The following KCNK2 variants were observed in gnomAD, a reference collection of about 807,000 sequenced individuals.
The protein encoded by KCNK2 is potassium two pore domain channel subfamily K member 2, also known as potassium channel subfamily K member 2.
Under a neutral mutation model 40.5 loss-of-function variants are expected in KCNK2, and 21 were observed. That is an observed-to-expected ratio of 0.52 (90% confidence interval 0.37 to 0.75). The LOEUF (loss-of-function observed/expected upper bound fraction) is 0.75, where lower values mean the gene tolerates loss of function less well. Ranked by LOEUF, KCNK2 falls within the 30% of genes least tolerant of loss-of-function variation. The pLI, the probability that KCNK2 is intolerant of heterozygous loss-of-function variation, is 0.00. For missense variants in KCNK2, 399 were observed against 531.6 expected, an observed-to-expected ratio of 0.75 and a Z score of 2.45; for synonymous variants, 191 against 202.2, an observed-to-expected ratio of 0.94 and a Z score of 0.47.
chr1:215,187,928 G>A (rs1389347340), intron 5 of KCNK2, among the ~76,000 whole-genome samples: 3 of 151,778 alleles, frequency 2.0e-5, no homozygotes, highest in East Asian at 3.9e-4. Flanking sequence ...TTTGTAAAGG[G>A]TAATGTGAAA....
chr1:215,211,149 A>G (rs992064252), intron 6 of KCNK2, among the ~76,000 whole-genome samples: 7 of 152,042 alleles, frequency 4.6e-5, no homozygotes, highest in African/African-American at 1.7e-4. Context: ...AATGTCTGTA[A>G]AGCAGCATAA....
At chr1:215,187,788 A>G (rs1257875907) in intron 5 of KCNK2, among the ~76,000 whole-genome samples, 2 of 151,430 alleles carry the variant, frequency 1.3e-5, no homozygotes, top group African/African-American at 2.4e-5. Context: ...GTTGCAGTGA[A>G]CTATGATTGC....
intron 6 of KCNK2, among the ~76,000 whole-genome samples, chr1:215,216,266 T>C (rs11583745): frequency 0.5 from 75,951 of 151,154 alleles, 20,842 homozygotes; most frequent in East Asian, 0.64. Flanking sequence ...AAGCATGATT[T>C]ATTGTAGTCC....
intron 1 of KCNK2, chr1:215,006,032 A>C: frequency 8.2e-7 from 1 of 1,222,144 alleles, no homozygotes; most frequent in Admixed American, 1.7e-5. Context: ...TTTCCAAGCA[A>C]GTATTTGATG....
At position 215,087,837 on chromosome 1, in the gene KCNK2, A is replaced by G. The variant is rs80342689; in HGVS notation, c.357+1159A>G. ...CTCTTGCCATGGATCTCAAGATACT[A>G]TCTCTGCCCTTCATAGTCCTCTCAA... On this transcript the variant is annotated intron_variant, in intron 2 of 6. Coordinates refer to ENST00000444842, the MANE Select transcript of KCNK2 (RefSeq NM_001017425.3). Among the ~76,000 whole-genome samples the G allele has an allele frequency of 4.3e-3, 656 of 152,258 alleles. 9 individuals are homozygous for G. The highest frequency in any genetic ancestry group is 0.015 in the African/African-American group (627 of 41,540).
intron 3 of KCNK2, among the ~76,000 whole-genome samples, chr1:215,168,808 T>G (rs922068662): frequency 1.3e-5 from 2 of 151,974 alleles, no homozygotes; most frequent in African/African-American, 4.8e-5. Context: ...TCATGGCACA[T>G]GTATACCTAG....
At position 215,086,350 on chromosome 1, in the gene KCNK2, A is replaced by G. The variant is rs538955335; in HGVS notation, c.47-18A>G. 13 of 1,606,196 alleles carry G rather than the reference A, an allele frequency of 8.1e-6. No individual in the cohort carries two copies. Among genetic ancestry groups the G allele is most frequent in the Admixed American group, 1.7e-5 (1 of 59,892 alleles). On this transcript the variant is annotated intron_variant, in intron 1 of 6. Coordinates refer to ENST00000444842, the MANE Select transcript of KCNK2 (RefSeq NM_001017425.3). The stretch of plus-strand genomic sequence containing the variant: ...TCTCATCTCCTCCAACCTAACCCTC[A>G]TTCTCTGTTGTTGTCAGTGGCGGCA...
rs868799539 is a variant in KCNK2 at position 215,209,423 on chromosome 1, A to T, written c.963+14331A>T. Among the ~76,000 whole-genome samples, 108 of 47,630 alleles carry T rather than the reference A, an allele frequency of 2.3e-3. 2 individuals carry two copies. The highest frequency in any genetic ancestry group is 9.8e-3 in the African/African-American group (103 of 10,558). 31.2% of individuals were successfully genotyped at this position (47,630 alleles called of 152,430 possible). The stretch of plus-strand genomic sequence containing the variant: ...ATAAAATATGCATATATTATATATA[A>T]TATATATAATATAAAATATATAATA... On this transcript the variant is annotated intron_variant, in intron 6 of 6. Transcript: ENST00000444842.
At chr1:215,021,834 C>G (rs1656806711) in intron 1 of KCNK2, among the ~76,000 whole-genome samples, 3 of 152,146 alleles carry the variant, frequency 2.0e-5, no homozygotes, top group Non-Finnish European at 4.4e-5. Context: ...CAGGCGTGAG[C>G]CACTGCGCCC....
chr1:215,210,382 G>C (rs2102687979), intron 6 of KCNK2, among the ~76,000 whole-genome samples: 1 of 151,862 alleles, frequency 6.6e-6, no homozygotes, highest in East Asian at 2.0e-4. Context: ...GGTAAGAATT[G>C]CTTTCCTATT....
chr1:215,162,314 A>G (rs1209480027), intron 3 of KCNK2, among the ~76,000 whole-genome samples: 2 of 152,010 alleles, frequency 1.3e-5, no homozygotes, highest in African/African-American at 2.4e-5. Flanking sequence ...TAGATTCTGG[A>G]TATTAGCCCT....
chr1:215,077,147 T>C (rs1289838889), intron 1 of KCNK2, among the ~76,000 whole-genome samples: 1 of 152,144 alleles, frequency 6.6e-6, no homozygotes, highest in Non-Finnish European at 1.5e-5. Flanking sequence ...GCTGAGAAAT[T>C]CTGACTATAT....
At chr1:215,033,451 C>T (rs1317219150) in intron 1 of KCNK2, among the ~76,000 whole-genome samples, 2 of 151,894 alleles carry the variant, frequency 1.3e-5, no homozygotes, top group African/African-American at 4.8e-5. Flanking sequence ...TTCTTGAAAG[C>T]CAGACATAAT....
At chr1:215,045,901 GTAAT>G (rs1184591451) in intron 1 of KCNK2, among the ~76,000 whole-genome samples, 1 of 152,124 alleles carries the variant, frequency 6.6e-6, no homozygotes, top group South Asian at 2.1e-4. Context: ...TCAATTTGCA[GTAAT>G]TACTCTGTTG....
intron 2 of KCNK2, among the ~76,000 whole-genome samples, chr1:215,103,726 G>A (rs1660316804): frequency 6.6e-6 from 1 of 152,022 alleles, no homozygotes; most frequent in Admixed American, 6.6e-5. Flanking sequence ...TTGGACAGCT[G>A]TACTGTGCTA....
At chr1:215,031,317 G>A (rs988174750) in intron 1 of KCNK2, among the ~76,000 whole-genome samples, 3 of 152,162 alleles carry the variant, frequency 2.0e-5, no homozygotes, top group African/African-American at 7.2e-5. Flanking sequence ...AAGCTGTGAA[G>A]GACTGACATC....
intron 2 of KCNK2, among the ~76,000 whole-genome samples, chr1:215,102,953 CAT>C (rs1393216565): frequency 6.6e-6 from 1 of 151,984 alleles, no homozygotes; most frequent in Non-Finnish European, 1.5e-5. Flanking sequence ...ATGTAAGAAA[CAT>C]GTGACAGTCA....
chr1:215,074,529 C>T (rs1265615709), intron 1 of KCNK2, among the ~76,000 whole-genome samples: 1 of 152,174 alleles, frequency 6.6e-6, no homozygotes, highest in African/African-American at 2.4e-5. Flanking sequence ...AGGCAAAATG[C>T]TGGACTGGCA....
chr1:215,071,079 G>T (rs1658740927), intron 1 of KCNK2, among the ~76,000 whole-genome samples: 1 of 152,174 alleles, frequency 6.6e-6, no homozygotes, highest in Admixed American at 6.5e-5. Context: ...ATCATATCTT[G>T]TTTTTATTTA....
Sources: allele counts gnomAD v4.1 joint callset (sites outside exome capture counted in the v4.1 genomes callset), GRCh38; gene constraint gnomAD v4.1.1; transcripts MANE v1.5; gene names NCBI Gene and HGNC (gene_info 2026-07-23, HGNC 2026-07-21).